GPHN: variants seen among roughly 807,000 people sequenced by gnomAD.
GPHN encodes the protein gephyrin.
In GPHN, 17 loss-of-function variants were observed where a neutral mutation model predicts 95.5. The ratio of observed to expected loss-of-function variants is 0.18; its 90% CI spans 0.12 to 0.27. The LOEUF (loss-of-function observed/expected upper bound fraction) is 0.27. Among genes scored for constraint, GPHN ranks in the 10% least tolerant of loss-of-function variants. The probability of loss-of-function intolerance (pLI) is 1.00; values close to 1 mark genes in which losing one functional copy is unlikely to be tolerated. For missense variants in GPHN, 660 were observed against 978.1 expected, an observed-to-expected ratio of 0.67 and a Z score of 4.34; for synonymous variants, 320 against 322.5, an observed-to-expected ratio of 0.99 and a Z score of 0.08.
chr14:66,612,600 A>C (rs186354463), intron 1 of GPHN, among the ~76,000 whole-genome samples: 114 of 152,212 alleles, frequency 7.5e-4, no homozygotes, highest in Non-Finnish European at 1.4e-3. Context: ...ACATAATTCA[A>C]ATTCACAAAT....
the GPHN span, among the ~76,000 whole-genome samples, chr14:67,430,510 C>T: frequency 1.3e-5 from 2 of 152,212 alleles, no homozygotes; most frequent in Admixed American, 6.5e-5. Flanking sequence ...GCTATAAGCC[C>T]TCCATCCTAA....
chr14:66,729,825 T>C (rs2071605013), intron 2 of GPHN, among the ~76,000 whole-genome samples: 1 of 152,154 alleles, frequency 6.6e-6, no homozygotes, highest in African/African-American at 2.4e-5. Context: ...AGTCAATGGG[T>C]TGTCAGAAAG....
intron 5 of GPHN, among the ~76,000 whole-genome samples, chr14:66,910,634 A>T (rs998682749): frequency 6.6e-6 from 1 of 152,010 alleles, no homozygotes; most frequent in Non-Finnish European, 1.5e-5. Context: ...ACACACACAC[A>T]TATGTATATA....
chr14:67,044,156 G>C (rs1007655854), intron 10 of GPHN, among the ~76,000 whole-genome samples: 3 of 151,968 alleles, frequency 2.0e-5, no homozygotes, highest in African/African-American at 7.3e-5. Context: ...GGCCAACATG[G>C]TGAAACCCCG....
At chr14:66,969,437 G>A (rs561150681) in intron 9 of GPHN, 1 of 152,280 alleles carries the variant, frequency 6.6e-6, no homozygotes, top group African/African-American at 2.4e-5. Flanking sequence ...CTCTTTTAAA[G>A]TGAGCATGAT....
intron 4 of GPHN, among the ~76,000 whole-genome samples, chr14:66,868,204 G>A (rs757002106): frequency 5.8e-4 from 88 of 152,140 alleles, no homozygotes; most frequent in Admixed American, 1.4e-3. Context: ...TGCAGTAATT[G>A]TTAAGGAGGA....
chr14:66,858,609 C>T (rs531213250), intron 4 of GPHN, among the ~76,000 whole-genome samples: 6 of 151,926 alleles, frequency 3.9e-5, no homozygotes, highest in Non-Finnish European at 5.9e-5. Context: ...TGATAGCTAT[C>T]GTGAGAGACT....
the GPHN span, among the ~76,000 whole-genome samples, chr14:67,625,680 C>CAAAAA: frequency 2.5e-3 from 81 of 31,816 alleles, 1 homozygote; most frequent in African/African-American, 5.6e-3. Context: ...AACTCCATCT[C>CAAAAA]AAAAAAAAAA....
chr14:67,573,084 C>T, the GPHN span, among the ~76,000 whole-genome samples: 1 of 152,302 alleles, frequency 6.6e-6, no homozygotes, highest in Non-Finnish European at 1.5e-5. The surrounding 1 kb of genome is among the most constrained non-coding windows in gnomAD (Gnocchi z 4.8). Context: ...GGCAGGACCA[C>T]CCATGTTTTA....
chr14:67,502,127 G>A, the GPHN span, among the ~76,000 whole-genome samples: 1 of 152,096 alleles, frequency 6.6e-6, no homozygotes, highest in Non-Finnish European at 1.5e-5. Flanking sequence ...GAGGTCGGGA[G>A]TTTGAGACCA....
In GPHN at chr14:67,120,121, A is replaced by G. The variant is rs572424042; in HGVS notation, c.1627-2135A>G. On this transcript the variant is annotated intron_variant, in intron 16 of 22. Coordinates refer to ENST00000478722, the MANE Select transcript of GPHN (RefSeq NM_020806.5). ...AGCCTGTGCAACAGAATAAGACTCCATCTCAAAAAAAAAAAAAAAGAGGTG... is the reference window on the plus strand; with the variant it reads ...AGCCTGTGCAACAGAATAAGACTCCGTCTCAAAAAAAAAAAAAAAGAGGTG... 4.8e-4 allele frequency among the ~76,000 whole-genome samples: 72 copies of G among 149,294 alleles called. 3 individuals carry two copies. In the South Asian group the frequency reaches 0.014, roughly 28 times the overall value.
At chr14:67,620,068 G>A in the GPHN span, 1 of 1,609,608 alleles carries the variant, frequency 6.2e-7, no homozygotes, top group Non-Finnish European at 8.5e-7. Flanking sequence ...TGTGATAGGA[G>A]CCCCGTTCTC....
the GPHN span, among the ~76,000 whole-genome samples, chr14:67,564,494 G>T: frequency 4.6e-5 from 7 of 152,090 alleles, no homozygotes; most frequent in African/African-American, 1.7e-4. Context: ...GTTTTACTCT[G>T]TCGCCCAGGC....
the GPHN span, among the ~76,000 whole-genome samples, chr14:67,369,694 A>G: frequency 1.3e-5 from 2 of 152,236 alleles, no homozygotes; most frequent in Admixed American, 6.5e-5. Context: ...GCAGTATTAA[A>G]TAAGCCCTTC....
chr14:66,531,756 T>A (rs938700354), intron 1 of GPHN, among the ~76,000 whole-genome samples: 1 of 152,214 alleles, frequency 6.6e-6, no homozygotes, highest in Non-Finnish European at 1.5e-5. Flanking sequence ...ATTTATAATG[T>A]TATGCTTTAA....
At chr14:67,504,873 C>T in the GPHN span, among the ~76,000 whole-genome samples, 1 of 152,044 alleles carries the variant, frequency 6.6e-6, no homozygotes, top group Non-Finnish European at 1.5e-5. Context: ...GCAACAAGAG[C>T]GACACTCCGT....
At chr14:67,158,925 A>T (rs973039661) in intron 18 of GPHN, among the ~76,000 whole-genome samples, 5 of 152,198 alleles carry the variant, frequency 3.3e-5, no homozygotes, top group Admixed American at 3.3e-4. Context: ...TCTTCAAGGA[A>T]TGTATATGGC....
the GPHN span, among the ~76,000 whole-genome samples, chr14:67,281,406 A>C: frequency 6.6e-6 from 1 of 152,304 alleles, no homozygotes; most frequent in Non-Finnish European, 1.5e-5. Context: ...TAATACCTTT[A>C]TGTGAAAGAA....
chr14:67,575,342 C>T, the GPHN span: 1 of 1,134,146 alleles, frequency 8.8e-7, no homozygotes, highest in Admixed American at 2.0e-5. Context: ...CCTGGATTTA[C>T]TTCTAGAGTT....
Sources: gnomAD v4.1 joint callset for allele counts (sites outside exome capture counted in the v4.1 genomes callset) on GRCh38, gnomAD v4.1.1 for gene constraint, Gnocchi (gnomAD v3.1) non-coding constraint, MANE v1.5 for transcripts, NCBI Gene and HGNC (gene_info 2026-07-23, HGNC 2026-07-21) for gene names.